ARID1B: variants seen among roughly 807,000 people sequenced by gnomAD.
The protein encoded by ARID1B is AT-rich interaction domain 1B.
Under a neutral mutation model 212.3 loss-of-function variants are expected in ARID1B, and 30 were observed. The observed-to-expected ratio is 0.14, with a 90% CI of 0.11 to 0.19. The LOEUF (loss-of-function observed/expected upper bound fraction) is 0.19, where lower values mean the gene tolerates loss of function less well. ARID1B is among the 10% of genes least tolerant of loss of function. The probability of loss-of-function intolerance (pLI) is 1.00; values close to 1 mark genes in which losing one functional copy is unlikely to be tolerated. For synonymous variants in ARID1B, 1,402 were observed against 1,301.7 expected, an observed-to-expected ratio of 1.08 and a Z score of -1.66; for missense variants, 2,891 against 3,204.0, an observed-to-expected ratio of 0.90 and a Z score of 2.36.
At chr6:156,993,551 C>T (rs1334633251) in intron 4 of ARID1B, among the ~76,000 whole-genome samples, 1 of 152,080 alleles carries the variant, frequency 6.6e-6, no homozygotes, top group Non-Finnish European at 1.5e-5. Flanking sequence ...ATATATTAGA[C>T]CTTTAAGGCT....
intron 3 of ARID1B, among the ~76,000 whole-genome samples, chr6:156,916,891 C>T (rs1433910550): frequency 6.6e-6 from 1 of 152,150 alleles, no homozygotes; most frequent in Non-Finnish European, 1.5e-5. Flanking sequence ...TGTTAAGTGT[C>T]AAGGCCAGTG....
intron 4 of ARID1B, among the ~76,000 whole-genome samples, chr6:157,068,012 T>G (rs73581998): frequency 0.016 from 2,451 of 152,308 alleles, 72 homozygotes; most frequent in African/African-American, 0.055. Context: ...TATCACTTCA[T>G]ATGGCACCAG....
chr6:157,051,033 G>A (rs777338196), intron 4 of ARID1B, among the ~76,000 whole-genome samples: 3 of 152,218 alleles, frequency 2.0e-5, no homozygotes, highest in Non-Finnish European at 2.9e-5. Context: ...CTGCCACTCA[G>A]TTTTTATTCT....
chr6:156,892,165 C>T (rs1385029465), intron 2 of ARID1B, among the ~76,000 whole-genome samples: 1 of 151,326 alleles, frequency 6.6e-6, no homozygotes, highest in African/African-American at 2.4e-5. Context: ...CCCAAAGTGA[C>T]AGGCGTGAGC....
chr6:157,041,804 C>G lies in ARID1B; in HGVS notation c.2248-42858C>G, dbSNP rs115550794. ...GGAACTGATAGGGTGTACCCTGTAC[C>G]CGCCTCTCAGTCTTTACTCCCCATC... On this transcript the variant is annotated intron_variant, in intron 4 of 19. Transcript: ENST00000636930. Among the ~76,000 whole-genome samples, 670 of 152,242 alleles carry G rather than the reference C, an allele frequency of 4.4e-3. 4 individuals are homozygous for G. Among genetic ancestry groups the G allele is most frequent in the African/African-American group, 0.015 (638 of 41,512 alleles).
chr6:156,858,829 C>T (rs1461054193), intron 2 of ARID1B, among the ~76,000 whole-genome samples: 1 of 152,042 alleles, frequency 6.6e-6, no homozygotes, highest in African/African-American at 2.4e-5. Flanking sequence ...ACAACTGTTA[C>T]GGATTCATAA....
chr6:157,019,454 C>T (rs1480517064), intron 4 of ARID1B, among the ~76,000 whole-genome samples: 1 of 152,212 alleles, frequency 6.6e-6, no homozygotes, highest in African/African-American at 2.4e-5. Flanking sequence ...AGAAACTTGT[C>T]TAACTTCTCC....
At chr6:157,091,081 G>A (rs1263229626) in intron 5 of ARID1B, among the ~76,000 whole-genome samples, 2 of 152,170 alleles carry the variant, frequency 1.3e-5, no homozygotes, top group African/African-American at 4.8e-5. Context: ...AGGATCACAG[G>A]TGTGACGAGC....
chr6:156,917,218 T>C (rs1396664899), intron 3 of ARID1B, among the ~76,000 whole-genome samples: 1 of 152,198 alleles, frequency 6.6e-6, no homozygotes, highest in Non-Finnish European at 1.5e-5. Context: ...TTTATACGTA[T>C]AGTTTCTCTT....
At chr6:157,000,757 G>A (rs141231091) in intron 4 of ARID1B, among the ~76,000 whole-genome samples, 64 of 136,884 alleles carry the variant, frequency 4.7e-4, no homozygotes, top group Non-Finnish European at 8.0e-4. Context: ...GCAGGGGTGC[G>A]TTCTCGGCTC....
intron 2 of ARID1B, among the ~76,000 whole-genome samples, chr6:156,837,367 T>TG: frequency 6.6e-6 from 1 of 152,228 alleles, no homozygotes; most frequent in African/African-American, 2.4e-5. Context: ...AACAAGTATA[T>TG]ATTGAACAAC....
intron 1 of ARID1B, among the ~76,000 whole-genome samples, chr6:156,804,898 C>T (rs1333515293): frequency 6.8e-6 from 1 of 146,350 alleles, no homozygotes; most frequent in Non-Finnish European, 1.5e-5. Context: ...AAGAAATTGG[C>T]CCTTTTTGTG....
Position 157,067,510 on chromosome 6 carries a change from A to G in ARID1B, c.2248-17152A>G, listed in dbSNP as rs1583247326. The stretch of plus-strand genomic sequence containing the variant: ...TTTTACGGGGCTGCATCTTGCCCAT[A>G]GGGCCACTTTTTTTTTGCTTCTCGC... On this transcript the variant is annotated intron_variant, in intron 4 of 19. Coordinates refer to ENST00000636930, the MANE Select transcript of ARID1B (RefSeq NM_001374828.1). 5.3e-5 allele frequency among the ~76,000 whole-genome samples: 8 copies of G among 152,178 alleles called. No homozygotes were observed. The South Asian group carries it at 1.7e-3, about 32-fold the overall frequency.
chr6:156,954,670 G>A (rs549680288), intron 4 of ARID1B, among the ~76,000 whole-genome samples: 40 of 151,760 alleles, frequency 2.6e-4, no homozygotes, highest in Non-Finnish European at 4.9e-4. Flanking sequence ...TTTTTTGTTT[G>A]TTTTTTTAAA....
At chr6:156,871,165 GT>G (rs1786097324) in intron 2 of ARID1B, among the ~76,000 whole-genome samples, 2 of 152,164 alleles carry the variant, frequency 1.3e-5, no homozygotes, top group Non-Finnish European at 1.5e-5. Flanking sequence ...TCTTGCTACG[GT>G]TTCTTACATA....
intron 2 of ARID1B, among the ~76,000 whole-genome samples, chr6:156,877,264 C>A (rs17087871): frequency 0.043 from 6,484 of 152,170 alleles, 483 homozygotes; most frequent in African/African-American, 0.14. Flanking sequence ...ATGGCATGAC[C>A]CTTCTGGACT....
intron 3 of ARID1B, among the ~76,000 whole-genome samples, chr6:156,914,635 C>G (rs1233886998): frequency 1.3e-5 from 2 of 152,198 alleles, no homozygotes; most frequent in Admixed American, 6.5e-5. Context: ...AGACTTGTGA[C>G]TTTCATATGT....
intron 4 of ARID1B, among the ~76,000 whole-genome samples, chr6:157,050,493 G>A (rs1782529088): frequency 6.6e-6 from 1 of 152,140 alleles, no homozygotes; most frequent in African/African-American, 2.4e-5. Context: ...GCAGTGAGCG[G>A]AGATCACACC....
chr6:156,848,766 G>T (rs1784392569), intron 2 of ARID1B, among the ~76,000 whole-genome samples: 1 of 152,222 alleles, frequency 6.6e-6, no homozygotes, highest in African/African-American at 2.4e-5. Context: ...AGCATGAGGG[G>T]AGGTGCCGGG....
Sources: gnomAD v4.1 joint callset for allele counts (sites outside exome capture counted in the v4.1 genomes callset) on GRCh38, gnomAD v4.1.1 for gene constraint, MANE v1.5 for transcripts, NCBI Gene and HGNC (gene_info 2026-07-23, HGNC 2026-07-21) for gene names.